The following CNTNAP2 variants were observed in gnomAD, a reference collection of about 807,000 sequenced individuals.
CNTNAP2 encodes contactin-associated protein-like 2.
In CNTNAP2, 98 loss-of-function variants were observed where a neutral mutation model predicts 155.2. The observed-to-expected ratio is 0.63, with a 90% CI of 0.54 to 0.75. The LOEUF (loss-of-function observed/expected upper bound fraction) is 0.75. Among genes scored for constraint, CNTNAP2 ranks in the 30% least tolerant of loss-of-function variants. The pLI, the probability that CNTNAP2 is intolerant of heterozygous loss-of-function variation, is 0.00. For synonymous variants in CNTNAP2, 651 were observed against 631.2 expected (o/e 1.03, Z -0.47); for missense variants, 1,727 against 1,688.1 (o/e 1.02, Z -0.40).
chr7:147,743,098 A>T (rs1388551526), intron 13 of CNTNAP2, among the ~76,000 whole-genome samples: 2 of 152,232 alleles, frequency 1.3e-5, no homozygotes, highest in Non-Finnish European at 2.9e-5. Context: ...AGTCTTCTAT[A>T]GTTTTAAACA....
intron 16 of CNTNAP2, among the ~76,000 whole-genome samples, chr7:148,144,198 C>T (rs1401889118): frequency 1.3e-5 from 2 of 152,178 alleles, no homozygotes; most frequent in East Asian, 3.9e-4. Context: ...GTATAGCTAA[C>T]AGCCTTGGAA....
At chr7:146,784,789 T>A (rs1352139103) in intron 2 of CNTNAP2, among the ~76,000 whole-genome samples, 2 of 152,146 alleles carry the variant, frequency 1.3e-5, no homozygotes, top group Non-Finnish European at 1.5e-5. Flanking sequence ...TTCTTAGTGG[T>A]CTGGACCACA....
intron 2 of CNTNAP2, among the ~76,000 whole-genome samples, chr7:146,776,674 G>T (rs528086048): frequency 6.6e-6 from 1 of 152,062 alleles, no homozygotes; most frequent in African/African-American, 2.4e-5. Context: ...AATTTATTCT[G>T]CCTTTGGTTT....
intron 3 of CNTNAP2, among the ~76,000 whole-genome samples, chr7:147,035,860 A>C (rs1799143511): frequency 8.6e-6 from 1 of 116,022 alleles, no homozygotes; most frequent in Non-Finnish European, 1.9e-5. Context: ...CATAATAGTA[A>C]ATTTGAGAAA....
chr7:147,870,351 A>G (rs896051060), intron 13 of CNTNAP2, among the ~76,000 whole-genome samples: 2 of 152,162 alleles, frequency 1.3e-5, no homozygotes, highest in Non-Finnish European at 2.9e-5. Context: ...TCCTTGAGCT[A>G]AAGTAGCCCA....
At chr7:146,178,177 G>T (rs111787226) in intron 1 of CNTNAP2, among the ~76,000 whole-genome samples, 25,023 of 152,044 alleles carry the variant, frequency 0.16, 2,553 homozygotes, top group East Asian at 0.28. Flanking sequence ...GGGACTACAG[G>T]CACCTGCCAC....
At chr7:146,339,269 A>C (rs1211081004) in intron 1 of CNTNAP2, among the ~76,000 whole-genome samples, 1 of 152,220 alleles carries the variant, frequency 6.6e-6, no homozygotes, top group Non-Finnish European at 1.5e-5. Context: ...ACATACGTGC[A>C]TGCACACACA....
intron 1 of CNTNAP2, among the ~76,000 whole-genome samples, chr7:146,279,063 T>C (rs1404139816): frequency 6.6e-6 from 1 of 152,174 alleles, no homozygotes; most frequent in Non-Finnish European, 1.5e-5. Flanking sequence ...AGATATGCTG[T>C]CTTCACTGTC....
intron 3 of CNTNAP2, among the ~76,000 whole-genome samples, chr7:147,021,588 A>C (rs1798817589): frequency 6.6e-6 from 1 of 152,128 alleles, no homozygotes; most frequent in African/African-American, 2.4e-5. Context: ...CACTTTTCTC[A>C]CAGTTATAAA....
rs552163185 is a variant in CNTNAP2, at chr7:146,283,720, C to T, written c.97+166747C>T. ...AATAGAAATAAATTAGGAAATAATTCGGCTTTGTTCATATTTAATATATGG... is the reference window on the plus strand; with the variant it reads ...AATAGAAATAAATTAGGAAATAATTTGGCTTTGTTCATATTTAATATATGG... On this transcript the variant is annotated intron_variant, in intron 1 of 23. Coordinates refer to ENST00000361727, the MANE Select transcript of CNTNAP2 (RefSeq NM_014141.6). Among the ~76,000 whole-genome samples the T allele has an allele frequency of 9.2e-5, 14 of 152,134 alleles. No individual in the cohort carries two copies. The South Asian group carries it at 1.7e-3, about 18-fold the overall frequency.
intron 8 of CNTNAP2, among the ~76,000 whole-genome samples, chr7:147,298,834 T>G (rs1794888065): frequency 1.3e-5 from 2 of 152,218 alleles, no homozygotes; most frequent in South Asian, 4.1e-4. Flanking sequence ...CTTCTTTTGA[T>G]TTCTTTCCAA....
chr7:147,518,916 AGATACTCGG>A (rs1799179963), intron 11 of CNTNAP2, among the ~76,000 whole-genome samples: 1 of 148,622 alleles, frequency 6.7e-6, no homozygotes, highest in South Asian at 2.2e-4. Context: ...CTGTAGTTCC[AGATACTCGG>A]GAGGCTGAGG....
intron 2 of CNTNAP2, among the ~76,000 whole-genome samples, chr7:146,829,726 G>A (rs1281719699): frequency 1.3e-5 from 2 of 151,966 alleles, no homozygotes; most frequent in African/African-American, 4.8e-5. Flanking sequence ...AGTGGAAGAT[G>A]GAATTTAATT....
intron 3 of CNTNAP2, among the ~76,000 whole-genome samples, chr7:146,976,733 G>A (rs1216841171): frequency 6.6e-6 from 1 of 152,110 alleles, no homozygotes; most frequent in African/African-American, 2.4e-5. Context: ...AGGCATGATT[G>A]AAGCATGGAG....
At chr7:147,352,193 A>T (rs1334700410) in intron 9 of CNTNAP2, among the ~76,000 whole-genome samples, 1 of 151,968 alleles carries the variant, frequency 6.6e-6, no homozygotes, top group Non-Finnish European at 1.5e-5. Flanking sequence ...AATTTATAAC[A>T]TAATGTTAGT....
intron 15 of CNTNAP2, among the ~76,000 whole-genome samples, chr7:148,084,810 A>G (rs1369660278): frequency 1.3e-5 from 2 of 152,222 alleles, no homozygotes; most frequent in African/African-American, 2.4e-5. Flanking sequence ...GTGCATAGGT[A>G]TAGAACTGAC....
chr7:148,404,606 G>C (rs6948427), intron 22 of CNTNAP2, among the ~76,000 whole-genome samples: 43,690 of 151,996 alleles, frequency 0.29, 7,138 homozygotes, highest in African/African-American at 0.43. Flanking sequence ...GCAGCATCTA[G>C]GGGTATGTTA....
At chr7:146,193,184 C>A (rs146543676) in intron 1 of CNTNAP2, among the ~76,000 whole-genome samples, 3 of 152,332 alleles carry the variant, frequency 2.0e-5, no homozygotes, top group African/African-American at 7.2e-5. Context: ...CTTTTCCAGG[C>A]ACATGCTGTA....
intron 1 of CNTNAP2, among the ~76,000 whole-genome samples, chr7:146,132,452 A>G (rs888985314): frequency 2.0e-5 from 3 of 152,036 alleles, no homozygotes; most frequent in Non-Finnish European, 4.4e-5. Flanking sequence ...TTTAGGGTAC[A>G]TGTGCACATT....
Sources: allele counts gnomAD v4.1 joint callset (sites outside exome capture counted in the v4.1 genomes callset), GRCh38; gene constraint gnomAD v4.1.1; transcripts MANE v1.5; gene names NCBI Gene and HGNC (gene_info 2026-07-23, HGNC 2026-07-21).